The following ATP6V1H variants were observed in gnomAD, a reference collection of about 807,000 sequenced individuals.
The protein encoded by ATP6V1H is ATPase H+ transporting V1 subunit H.
In ATP6V1H, 39 loss-of-function variants were observed where a neutral mutation model predicts 71.7. That is an observed-to-expected ratio of 0.54 (90% CI 0.42 to 0.71). The LOEUF is 0.71. Among genes scored for constraint, ATP6V1H ranks in the 30% least tolerant of loss-of-function variants. The pLI is 0.00. For missense variants in ATP6V1H, 509 were observed against 594.9 expected (o/e 0.86, Z 1.50); for synonymous variants, 192 against 199.3 (o/e 0.96, Z 0.31).
chr8:53,813,703 C>T (rs893348336), intron 6 of ATP6V1H, among the ~76,000 whole-genome samples: 2 of 152,158 alleles, frequency 1.3e-5, no homozygotes, highest in African/African-American at 4.8e-5. Context: ...CTATCTTTTG[C>T]CCTGTTCTGA....
intron 13 of ATP6V1H, among the ~76,000 whole-genome samples, chr8:53,740,770 T>C (rs1385167204): frequency 6.6e-6 from 1 of 152,232 alleles, no homozygotes; most frequent in Non-Finnish European, 1.5e-5. Context: ...TTCTTTTACA[T>C]TTGGGGATAT....
chr8:53,831,368 T>C (rs1378410277), intron 3 of ATP6V1H, among the ~76,000 whole-genome samples: 1 of 152,212 alleles, frequency 6.6e-6, no homozygotes, highest in Non-Finnish European at 1.5e-5. Context: ...TATGTGTGTG[T>C]CTAAACATAA....
intron 12 of ATP6V1H, among the ~76,000 whole-genome samples, chr8:53,747,288 T>G (rs1452762286): frequency 6.6e-6 from 1 of 152,186 alleles, no homozygotes; most frequent in Non-Finnish European, 1.5e-5. Flanking sequence ...ATGCTACTTA[T>G]ATGAAAGTCA....
chr8:53,791,491 T>C (rs974731951), intron 9 of ATP6V1H, among the ~76,000 whole-genome samples: 1 of 152,224 alleles, frequency 6.6e-6, no homozygotes, highest in Non-Finnish European at 1.5e-5. Context: ...AAGAGCCAGA[T>C]TTATGTGCTC....
At chr8:53,753,286 C>T (rs997165973) in intron 12 of ATP6V1H, among the ~76,000 whole-genome samples, 11 of 152,084 alleles carry the variant, frequency 7.2e-5, no homozygotes, top group African/African-American at 2.7e-4. Context: ...ATTAGCATGG[C>T]CACAGTTTTG....
intron 6 of ATP6V1H, among the ~76,000 whole-genome samples, chr8:53,813,743 T>C (rs1469758840): frequency 6.6e-6 from 1 of 152,178 alleles, no homozygotes; most frequent in East Asian, 1.9e-4. Flanking sequence ...AGAAAACTTG[T>C]CATTTTCCAA....
chr8:53,809,217 T>C (rs1360559727), intron 7 of ATP6V1H, among the ~76,000 whole-genome samples: 3 of 152,174 alleles, frequency 2.0e-5, no homozygotes, highest in South Asian at 2.1e-4. Context: ...ATGACCTACA[T>C]TGAACAGGGA....
chr8:53,842,530 G>T (rs949221143), intron 1 of ATP6V1H: 15 of 152,188 alleles, frequency 9.9e-5, no homozygotes, highest in African/African-American at 3.6e-4. Context: ...GGTTTCCAAC[G>T]ATCTTAATCA....
chr8:53,795,630 C>A lies in ATP6V1H; in HGVS notation c.870+17G>T, dbSNP rs1303759606. 7 of 1,608,912 alleles carry A rather than the reference C, an allele frequency of 4.4e-6. No homozygotes were observed. The highest frequency in any genetic ancestry group is 5.1e-6 in the Non-Finnish European group (6 of 1,178,400). On this transcript the variant is annotated intron_variant, in intron 9 of 13. Coordinates refer to ENST00000359530, the MANE Select transcript of ATP6V1H (RefSeq NM_015941.4). ...AAAAATGCCTCACATACACACAAAC[C>A]AACATAAAACACTTACACGAAATGC...
At chr8:53,837,515 C>T (rs1384238889) in intron 2 of ATP6V1H, among the ~76,000 whole-genome samples, 6 of 150,884 alleles carry the variant, frequency 4.0e-5, no homozygotes, top group East Asian at 1.9e-4. Flanking sequence ...AAAACCAGTC[C>T]GGGTAGGGGG....
At chr8:53,754,312 T>C (rs1807914452) in intron 12 of ATP6V1H, among the ~76,000 whole-genome samples, 1 of 152,166 alleles carries the variant, frequency 6.6e-6, no homozygotes, top group African/African-American at 2.4e-5. Flanking sequence ...CCAAAAAATG[T>C]ATCTATAAAC....
chr8:53,809,852 C>A (rs1304648324), intron 7 of ATP6V1H, among the ~76,000 whole-genome samples: 1 of 152,136 alleles, frequency 6.6e-6, no homozygotes, highest in Non-Finnish European at 1.5e-5. Flanking sequence ...AGGCTTCTTA[C>A]CTACCATTTC....
In ATP6V1H at chr8:53,811,135, T is replaced by C. The variant is rs754318979; in HGVS notation, c.579+29A>G. ...GACTCAAAATAATTTATTTTGGGGA[T>C]GTTTAGGCCAGTGAAGGAATATACT... On this transcript the variant is annotated intron_variant, in intron 7 of 13. Coordinates refer to ENST00000359530, the MANE Select transcript of ATP6V1H (RefSeq NM_015941.4). 7 of 1,596,684 alleles carry C rather than the reference T, an allele frequency of 4.4e-6. No individual in the cohort carries two copies. The South Asian group carries it at 5.6e-5, about 13-fold the overall frequency.
At chr8:53,801,328 T>C (rs1454300036) in intron 8 of ATP6V1H, among the ~76,000 whole-genome samples, 2 of 152,218 alleles carry the variant, frequency 1.3e-5, no homozygotes, top group Admixed American at 6.5e-5. Flanking sequence ...TAAAACAAGA[T>C]TTCCATTGTT....
chr8:53,756,799 A>G, intron 11 of ATP6V1H, 143 bp from the exon 12 acceptor site: 1 of 546,602 alleles, frequency 1.8e-6, no homozygotes, highest in Non-Finnish European at 3.1e-6. Context: ...ACTATTAGAC[A>G]TAAGTTTGCA....
At chr8:53,796,382 G>A (rs1427883672) in intron 8 of ATP6V1H, among the ~76,000 whole-genome samples, 1 of 151,932 alleles carries the variant, frequency 6.6e-6, no homozygotes, top group African/African-American at 2.4e-5. Context: ...TACTGATAAG[G>A]AAACTAGGAA....
At position 53,811,195 on chromosome 8, in the gene ATP6V1H, G is replaced by A; in HGVS notation, c.548C>T (p.Ala183Val). The A allele has an allele frequency of 6.2e-7, 1 of 1,613,286 alleles. No individual in the cohort carries two copies. The highest frequency in any genetic ancestry group is 8.5e-7 in the Non-Finnish European group (1 of 1,179,472). The change falls in exon 7 of 14, where the codon GCT (alanine) becomes GTT (valine). Residue 183 changes from alanine (A) to valine (V), a missense_variant. By Grantham distance (64) the Ala-to-Val change is moderately conservative (BLOSUM62 0). This residue lies in a region of ATP6V1H where 297 missense variants were observed against 303.3 expected (regional missense o/e 0.98). Transcript: ENST00000359530. ...SSQKLRGSGV[A>V]VETGTVSSSD... Reference sequence around the variant, plus strand: ...TGAAGAGACTGTTCCTGTTTCAACAGCAACACCGCTACCACGCAGTTTCTA... The same window carrying A: ...TGAAGAGACTGTTCCTGTTTCAACAACAACACCGCTACCACGCAGTTTCTA...
intron 8 of ATP6V1H, among the ~76,000 whole-genome samples, chr8:53,797,511 T>A (rs767461955): frequency 9.2e-5 from 14 of 152,076 alleles, no homozygotes; most frequent in Non-Finnish European, 1.6e-4. Flanking sequence ...GACACCAATA[T>A]CAGCTGGGCA....
intron 11 of ATP6V1H, 105 bp downstream of exon 11, chr8:53,769,513 A>T: frequency 8.5e-7 from 1 of 1,182,182 alleles, no homozygotes; most frequent in Non-Finnish European, 1.2e-6. Context: ...AAGAAAATAC[A>T]AATTAAAACC....
Sources: allele counts gnomAD v4.1 joint callset (sites outside exome capture counted in the v4.1 genomes callset), GRCh38; gene constraint gnomAD v4.1.1; regional missense constraint gnomAD v4.1.1; transcripts MANE v1.5; gene names NCBI Gene and HGNC (gene_info 2026-07-23, HGNC 2026-07-21).